The following UPP2 variants were observed in gnomAD, a reference collection of about 807,000 sequenced individuals.
UPP2 encodes uridine phosphorylase 2.
Under a neutral mutation model 26.7 loss-of-function variants are expected in UPP2, and 23 were observed. The observed-to-expected ratio is 0.86, with a 90% CI of 0.62 to 1.22. The LOEUF is 1.22. UPP2 is among the 50% of genes most tolerant of loss of function. The pLI, the probability that UPP2 is intolerant of heterozygous loss-of-function variation, is 0.00. For missense variants in UPP2, 387 were observed against 396.7 expected (o/e 0.98, Z 0.21); for synonymous variants, 127 against 141.3 (o/e 0.90, Z 0.72).
intron 3 of UPP2, among the ~76,000 whole-genome samples, chr2:158,035,113 C>T (rs947738479): frequency 2.0e-5 from 3 of 151,486 alleles, no homozygotes; most frequent in South Asian, 4.2e-4. Context: ...ACAGAGGATA[C>T]GTAGAGATAT....
chr2:158,050,987 C>G (rs991093146), intron 3 of UPP2, among the ~76,000 whole-genome samples: 1 of 152,082 alleles, frequency 6.6e-6, no homozygotes, highest in African/African-American at 2.4e-5. Flanking sequence ...CATGATGTGA[C>G]TAATTCACAG....
chr2:158,099,152 A>G (rs1173419073), upstream of UPP2, among the ~76,000 whole-genome samples: 1 of 152,206 alleles, frequency 6.6e-6, no homozygotes, highest in Non-Finnish European at 1.5e-5. Context: ...TGGAATGTCA[A>G]TATTTTTGTG....
At chr2:158,114,986 A>G in intron 2 of UPP2, 115 bp from the exon 3 acceptor site, 1 of 1,024,408 alleles carries the variant, frequency 9.8e-7, no homozygotes, top group South Asian at 2.4e-5. Context: ...CATGACATCT[A>G]CACGTGTTCT....
Position 158,135,024 on chromosome 2 carries a change from T to A in UPP2, c.*134T>A, listed in dbSNP as rs1166288482. The stretch of plus-strand genomic sequence containing the variant: ...TAAATGGAAAGACTTTATGAAATCC[T>A]TCTCTCTTAAAAAGGAATTTATTGT... On this transcript the variant is annotated 3_prime_UTR_variant, in exon 7 of 7. Coordinates refer to ENST00000005756, the MANE Select transcript of UPP2 (RefSeq NM_173355.4). 3 of 1,095,212 alleles carry A rather than the reference T, an allele frequency of 2.7e-6. No homozygotes were observed. The East Asian group carries it at 8.9e-5, about 32-fold the overall frequency. The allele number at this position is 1,095,212 out of a possible 1,614,324, so 67.8% of individuals were successfully genotyped here.
chr2:158,081,435 C>G (rs1012140922), intron 3 of UPP2, among the ~76,000 whole-genome samples: 1 of 152,084 alleles, frequency 6.6e-6, no homozygotes, highest in Admixed American at 6.6e-5. Context: ...AAAAATAGAT[C>G]TACCAAATGA....
chr2:158,010,415 T>G (rs536836537), intron 2 of UPP2, among the ~76,000 whole-genome samples: 1 of 152,238 alleles, frequency 6.6e-6, no homozygotes, highest in East Asian at 1.9e-4. Context: ...TGGAAACTGT[T>G]GCATCCTCTT....
intron 2 of UPP2, among the ~76,000 whole-genome samples, chr2:158,111,032 T>A (rs1444876385): frequency 6.6e-6 from 1 of 152,232 alleles, no homozygotes; most frequent in African/African-American, 2.4e-5. Context: ...TTTGTCAATT[T>A]TGGCTTTTGT....
chr2:158,027,423 A>T (rs1336972972), intron 3 of UPP2, among the ~76,000 whole-genome samples: 1 of 152,006 alleles, frequency 6.6e-6, no homozygotes, highest in Non-Finnish European at 1.5e-5. Context: ...ATCTCTTTTG[A>T]CTCCAGGTCT....
At chr2:158,042,821 G>C (rs79554567) in intron 3 of UPP2, among the ~76,000 whole-genome samples, 2 of 152,170 alleles carry the variant, frequency 1.3e-5, no homozygotes, top group Non-Finnish European at 2.9e-5. Flanking sequence ...GGAGAGGAAG[G>C]GAGGCGCCAC....
chr2:158,043,383 A>T (rs976164745), intron 3 of UPP2, among the ~76,000 whole-genome samples: 1 of 152,166 alleles, frequency 6.6e-6, no homozygotes, highest in Admixed American at 6.5e-5. Flanking sequence ...GGGGTTGACC[A>T]GAGTCCCATG....
intron 2 of UPP2, 75 bp downstream of exon 2, chr2:158,106,291 A>G (rs1683193856): frequency 7.8e-7 from 1 of 1,286,028 alleles, no homozygotes; most frequent in African/African-American, 1.5e-5. Flanking sequence ...TGCCAAAATA[A>G]TCTATACACC....
At chr2:158,012,263 CTTTTT>C (rs34807293) in intron 2 of UPP2, among the ~76,000 whole-genome samples, 4 of 81,586 alleles carry the variant, frequency 4.9e-5, no homozygotes, top group Non-Finnish European at 6.9e-5. Flanking sequence ...TTGTTTCTAC[CTTTTT>C]TTTTTTTTTT....
chr2:158,083,336 G>GA (rs1484376560), intron 3 of UPP2, among the ~76,000 whole-genome samples: 6 of 152,138 alleles, frequency 3.9e-5, no homozygotes, highest in African/African-American at 1.4e-4. Flanking sequence ...ACTGGATAAA[G>GA]AAAATTGGCA....
chr2:158,032,812 G>T (rs1683943421), intron 3 of UPP2, among the ~76,000 whole-genome samples: 1 of 152,076 alleles, frequency 6.6e-6, no homozygotes, highest in Non-Finnish European at 1.5e-5. Context: ...TTTTTGAGTT[G>T]CTAAATAGCA....
At chr2:158,031,713 A>G (rs1420958314) in intron 3 of UPP2, among the ~76,000 whole-genome samples, 3 of 152,188 alleles carry the variant, frequency 2.0e-5, no homozygotes, top group African/African-American at 7.2e-5. Context: ...TCAAACCACA[A>G]CTCTACCATC....
At chr2:158,041,617 A>T (rs1684082290) in intron 3 of UPP2, among the ~76,000 whole-genome samples, 1 of 152,222 alleles carries the variant, frequency 6.6e-6, no homozygotes, top group Admixed American at 6.5e-5. Context: ...TGTATTAATG[A>T]CCTCATGGGA....
At chr2:158,013,913 T>C (rs933900287) in intron 2 of UPP2, among the ~76,000 whole-genome samples, 1 of 152,224 alleles carries the variant, frequency 6.6e-6, no homozygotes, top group Non-Finnish European at 1.5e-5. Flanking sequence ...CCCAAGAGAC[T>C]GTTTCTCTTA....
At chr2:158,105,034 GGGGAGGGGA>G in intron 1 of UPP2, among the ~76,000 whole-genome samples, 2 of 68,774 alleles carry the variant, frequency 2.9e-5, no homozygotes, top group African/African-American at 1.0e-4. Context: ...GGGGAGGGGA[GGGGAGGGGA>G]GGGGGCAGGC....
chr2:158,061,959 T>C (rs1682359410), intron 3 of UPP2, among the ~76,000 whole-genome samples: 1 of 152,246 alleles, frequency 6.6e-6, no homozygotes, highest in South Asian at 2.1e-4. Flanking sequence ...GACAGGCATG[T>C]TGCATCCCTC....
Sources: gnomAD v4.1 joint callset for allele counts (sites outside exome capture counted in the v4.1 genomes callset) on GRCh38, gnomAD v4.1.1 for gene constraint, MANE v1.5 for transcripts, NCBI Gene and HGNC (gene_info 2026-07-23, HGNC 2026-07-21) for gene names.